ELN: variants seen among roughly 807,000 people sequenced by gnomAD.
ELN encodes the protein elastin, also known as tropoelastin.
In ELN, 65 loss-of-function variants were observed where a neutral mutation model predicts 105.8. That is an observed-to-expected ratio of 0.61 (90% CI 0.50 to 0.75). The LOEUF (loss-of-function observed/expected upper bound fraction) is 0.75, where lower values mean the gene tolerates loss of function less well. Among genes scored for constraint, ELN ranks in the 30% least tolerant of loss-of-function variants. ELN has a pLI of 0.00. For synonymous variants in ELN, 368 were observed against 389.2 expected, an observed-to-expected ratio of 0.95 and a Z score of 0.64; for missense variants, 882 against 969.4, an observed-to-expected ratio of 0.91 and a Z score of 1.20.
intron 8 of ELN, chr7:74,043,537 C>T (rs1554670182): frequency 3.0e-6 from 2 of 668,816 alleles, no homozygotes; most frequent in Admixed American, 4.3e-5. Flanking sequence ...TCGTTCTGCC[C>T]CACCAAGCCC....
chr7:74,066,860 A>AGC, intron 32 of ELN, 84 bp downstream of exon 32: 1 of 1,479,392 alleles, frequency 6.8e-7, no homozygotes, highest in Non-Finnish European at 9.4e-7. Context: ...TCCTGCTCAG[A>AGC]AGGGCTGAGC....
rs568047681 is a variant in ELN at position 74,068,864 on chromosome 7, AG to A, written c.*168del. 78 of 840,294 alleles carry A rather than the reference AG, an allele frequency of 9.3e-5. No homozygotes were observed. The African/African-American group carries it at 1.0e-3, about 11-fold the overall frequency. 52.1% of individuals were successfully genotyped at this position (840,294 alleles called of 1,614,324 possible). ...CAGATCCACAGGGCAAGGAAACAAG[AG>A]GGGAGCGGCCAAGTGCCCCGACCAG... On this transcript the variant is annotated 3_prime_UTR_variant, in exon 33 of 33. Transcript: ENST00000252034.
At chr7:74,045,339 C>A in intron 10 of ELN, 46 bp downstream of exon 10, 1 of 1,607,818 alleles carries the variant, frequency 6.2e-7, no homozygotes, top group East Asian at 2.2e-5. Context: ...GACTCTCCAA[C>A]CACCTTCTGG....
At chr7:74,034,665 A>G (rs1028505818) in intron 1 of ELN, among the ~76,000 whole-genome samples, 1 of 152,150 alleles carries the variant, frequency 6.6e-6, no homozygotes, top group Non-Finnish European at 1.5e-5. Flanking sequence ...AGATCTTGCT[A>G]CTGCACTCCA....
chr7:74,029,268 G>C (rs1355662348), intron 1 of ELN, among the ~76,000 whole-genome samples: 2 of 152,108 alleles, frequency 1.3e-5, no homozygotes, highest in African/African-American at 4.8e-5. Flanking sequence ...GAAGGTGTCT[G>C]TCTCCTGGCA....
chr7:74,042,267 A>G (rs1244877642), intron 5 of ELN, among the ~76,000 whole-genome samples: 1 of 148,778 alleles, frequency 6.7e-6, no homozygotes, highest in Non-Finnish European at 1.5e-5. Context: ...AAAAAATACA[A>G]AAAAAAAAAA....
At chr7:74,048,944 C>T (rs1451824411) in intron 15 of ELN, among the ~76,000 whole-genome samples, 1 of 151,594 alleles carries the variant, frequency 6.6e-6, no homozygotes, top group East Asian at 1.9e-4. Context: ...TCCATCTATC[C>T]ATCCATCCAC....
chr7:74,037,851 G>C, intron 4 of ELN, 112 bp downstream of exon 4: 2 of 1,489,306 alleles, frequency 1.3e-6, no homozygotes, highest in South Asian at 1.2e-5. Context: ...GGAAGCCAAC[G>C]GGCAGGAGGA....
At chr7:74,035,332 C>T (rs782647891) in intron 1 of ELN, 32 bp from the exon 2 acceptor site, 2 of 1,613,606 alleles carry the variant, frequency 1.2e-6, no homozygotes, top group South Asian at 2.2e-5. Flanking sequence ...GTTCTGGCTC[C>T]TGGAGGACTG....
rs2229427 is a variant in ELN at position 74,056,312 on chromosome 7, G to C, written c.1192G>C (p.Gly398Arg). 19 of 1,612,656 alleles carry C rather than the reference G, an allele frequency of 1.2e-5. No individual in the cohort carries two copies. Among genetic ancestry groups the C allele is most frequent in the Admixed American group, 3.3e-5 (2 of 59,906 alleles). ...GVGVGGIPTY[G>R]VGAGGFPGFG... Reference sequence around the variant, plus strand: ...CGGAGTTGGAGGCATTCCTACTTACGGGGTTGGAGCTGGGGGCTTTCCCGG... The same window carrying C: ...CGGAGTTGGAGGCATTCCTACTTACCGGGTTGGAGCTGGGGGCTTTCCCGG... The change falls in exon 20 of 33, where the codon GGG becomes CGG. Residue 398 changes from glycine to arginine, a missense_variant. Physicochemically the swap from Gly to Arg is moderately radical, Grantham distance 125 (BLOSUM62 -2). Transcript: ENST00000252034.
chr7:74,060,681 G>C lies in ELN; in HGVS notation c.1747+180G>C. 9 of 1,506,692 alleles carry C rather than the reference G, an allele frequency of 6.0e-6. 2 individuals carry two copies. In the South Asian group the frequency reaches 1.1e-4, roughly 19 times the overall value. 93.3% of individuals were successfully genotyped at this position (1,506,692 alleles called of 1,614,324 possible). On this transcript the variant is annotated intron_variant, in intron 25 of 32. Coordinates refer to ENST00000252034, the MANE Select transcript of ELN (RefSeq NM_000501.4). Reference sequence around the variant, plus strand: ...GGGAGGAGGGCAGACCAGGCCAAGGGACCCCAGGCTGCCCAATTGCAGAGT... The same window carrying C: ...GGGAGGAGGGCAGACCAGGCCAAGGCACCCCAGGCTGCCCAATTGCAGAGT...
intron 9 of ELN, among the ~76,000 whole-genome samples, chr7:74,044,151 G>A (rs1264954831): frequency 2.0e-5 from 3 of 152,114 alleles, no homozygotes; most frequent in African/African-American, 7.2e-5. Flanking sequence ...TGAGGTGGGA[G>A]GATTGCTTGA....
chr7:74,063,107 C>G lies in ELN; in HGVS notation c.1787-46C>G. The stretch of plus-strand genomic sequence containing the variant: ...CCTTGTGTCCCTGGGGCAGGGAGAC[C>G]CATCGTTCAGAAATGGAACACTCAT... On this transcript the variant is annotated intron_variant, in intron 26 of 32. Coordinates refer to ENST00000252034, the MANE Select transcript of ELN (RefSeq NM_000501.4). The surrounding 1 kb of genome is among the most constrained non-coding windows in gnomAD (Gnocchi z 4.1). 5 of 1,568,922 alleles carry G rather than the reference C, an allele frequency of 3.2e-6. No homozygotes were observed. Among genetic ancestry groups the G allele is most frequent in the Non-Finnish European group, 4.3e-6 (5 of 1,156,206 alleles).
intron 29 of ELN, among the ~76,000 whole-genome samples, chr7:74,064,094 C>A (rs573602497): frequency 2.0e-5 from 3 of 149,144 alleles, no homozygotes; most frequent in East Asian, 2.0e-4. Context: ...CAGAGTGAGA[C>A]CCTGTCATCT....
chr7:74,057,837 T>A (rs1452402643), intron 22 of ELN, 141 bp downstream of exon 22: 11 of 906,314 alleles, frequency 1.2e-5, no homozygotes, highest in Non-Finnish European at 1.9e-5. Context: ...TCCTTAGACC[T>A]TTTGGCCCAC....
intron 1 of ELN, among the ~76,000 whole-genome samples, chr7:74,029,075 T>C (rs1788080771): frequency 6.6e-6 from 1 of 152,114 alleles, no homozygotes; most frequent in Non-Finnish European, 1.5e-5. Flanking sequence ...AAGCTGCTCC[T>C]TAGTGTGTGC....
intron 1 of ELN, among the ~76,000 whole-genome samples, chr7:74,032,700 G>T (rs1309510824): frequency 6.6e-6 from 1 of 152,148 alleles, no homozygotes; most frequent in Non-Finnish European, 1.5e-5. Flanking sequence ...GGGAGGGGAA[G>T]CTAAGTCTTC....
chr7:74,046,824 C>T, intron 12 of ELN, 57 bp downstream of exon 12: 1 of 1,593,870 alleles, frequency 6.3e-7, no homozygotes, highest in Non-Finnish European at 8.6e-7. Context: ...TGGTTCACAC[C>T]TGTAATCCCA....
chr7:74,056,528 G>T lies in ELN; in HGVS notation c.1315+93G>T, dbSNP rs951298799. The T allele has an allele frequency of 3.7e-6, 6 of 1,603,148 alleles. No individual in the cohort carries two copies. In the African/African-American group the frequency reaches 5.4e-5, roughly 14 times the overall value. ...GCAGGGGCAGTGGGGACTGTAGATC[G>T]GGCTTGAATGTGCTCAGGGAGGAGT... On this transcript the variant is annotated intron_variant, in intron 20 of 32. Coordinates refer to ENST00000252034, the MANE Select transcript of ELN (RefSeq NM_000501.4).
Sources: gnomAD v4.1 joint callset for allele counts (sites outside exome capture counted in the v4.1 genomes callset) on GRCh38, gnomAD v4.1.1 for gene constraint, Gnocchi (gnomAD v3.1) non-coding constraint, MANE v1.5 for transcripts, NCBI Gene and HGNC (gene_info 2026-07-23, HGNC 2026-07-21) for gene names.